Variants in MMRN1 observed in about 807,000 individuals in gnomAD.
MMRN1 encodes multimerin-1.
MMRN1 carries 94 observed loss-of-function variants against 100.7 expected under a neutral mutation model. The ratio of observed to expected loss-of-function variants is 0.93; its 90% CI spans 0.79 to 1.11. MMRN1 has a LOEUF of 1.11. Among genes scored for constraint, MMRN1 ranks in the 50% least tolerant of loss-of-function variants. MMRN1 has a pLI of 0.00. For missense variants in MMRN1, 1,606 were observed against 1,439.1 expected (o/e 1.12, Z -1.88); for synonymous variants, 575 against 505.0 (o/e 1.14, Z -1.86).
intron 3 of MMRN1, among the ~76,000 whole-genome samples, chr4:89,922,898 C>T (rs560279075): frequency 6.6e-6 from 1 of 152,242 alleles, no homozygotes; most frequent in Admixed American, 6.5e-5. Flanking sequence ...TTACACAGCT[C>T]CTCCAAACTA....
At chr4:89,899,262 C>T (rs1227404559) in intron 1 of MMRN1, among the ~76,000 whole-genome samples, 4 of 151,412 alleles carry the variant, frequency 2.6e-5, no homozygotes, top group African/African-American at 7.3e-5. Flanking sequence ...CCTATGGTTT[C>T]CTGTCTGGCA....
intron 1 of MMRN1, among the ~76,000 whole-genome samples, chr4:89,906,271 A>G (rs1262545101): frequency 6.6e-6 from 1 of 151,612 alleles, no homozygotes; most frequent in Admixed American, 6.6e-5. Context: ...GAATCATAAT[A>G]GAATCCTTTC....
chr4:89,948,387 T>G (rs1224176417), intron 6 of MMRN1, among the ~76,000 whole-genome samples: 4 of 152,212 alleles, frequency 2.6e-5, no homozygotes, highest in Non-Finnish European at 5.9e-5. Context: ...AGAATAAAAC[T>G]GAATGCTTTC....
At chr4:89,928,200 A>G (rs1560591397) in intron 5 of MMRN1, among the ~76,000 whole-genome samples, 1 of 152,096 alleles carries the variant, frequency 6.6e-6, no homozygotes, top group Admixed American at 6.6e-5. Flanking sequence ...TGGTTGATAA[A>G]CATGATGTCT....
Position 89,953,419 on chromosome 4 carries a change from G to A in MMRN1, c.*1G>A, listed in dbSNP as rs1395748920. On this transcript the variant is annotated 3_prime_UTR_variant, in exon 8 of 8. Coordinates refer to ENST00000264790, the MANE Select transcript of MMRN1 (RefSeq NM_007351.3). Reference sequence around the variant, plus strand: ...TGGCTATTTATTATATCGTACATAAGTTAGTATGAAAAACAGACTATCACC... The same window carrying A: ...TGGCTATTTATTATATCGTACATAAATTAGTATGAAAAACAGACTATCACC... The A allele has an allele frequency of 6.3e-7, 1 of 1,578,062 alleles. No individual in the cohort carries two copies. The highest frequency in any genetic ancestry group is 1.9e-5 in the Admixed American group (1 of 52,972).
chr4:89,888,572 A>G (rs1210013421), intron 1 of MMRN1, among the ~76,000 whole-genome samples: 1 of 151,842 alleles, frequency 6.6e-6, no homozygotes, highest in African/African-American at 2.4e-5. Context: ...CTCCATTTAT[A>G]GGTGTGCTAA....
intron 3 of MMRN1, among the ~76,000 whole-genome samples, chr4:89,918,466 T>C (rs530464300): frequency 1.3e-3 from 197 of 152,036 alleles, no homozygotes; most frequent in African/African-American, 4.5e-3. Flanking sequence ...TCACAGGCTA[T>C]CTTTGAAGTC....
chr4:89,927,687 G>A, intron 4 of MMRN1, 108 bp from the exon 5 acceptor site: 1 of 934,450 alleles, frequency 1.1e-6, no homozygotes, highest in Non-Finnish European at 1.6e-6. Flanking sequence ...TCTTTGTTGT[G>A]CTCCAGCTTA....
chr4:89,899,817 C>T (rs1203703481), intron 1 of MMRN1, among the ~76,000 whole-genome samples: 2 of 151,836 alleles, frequency 1.3e-5, no homozygotes, highest in Admixed American at 1.3e-4. Context: ...TCCCAAATAC[C>T]TCAACTTCTC....
At chr4:89,904,018 A>G (rs1449164267) in intron 1 of MMRN1, among the ~76,000 whole-genome samples, 1 of 151,640 alleles carries the variant, frequency 6.6e-6, no homozygotes, top group Admixed American at 6.6e-5. Flanking sequence ...ATCAGAAATG[A>G]CCTTCTAATT....
chr4:89,910,755 ATGGAAGGGATCTTGTAGCTCATTT>A (rs1445140958), intron 2 of MMRN1, among the ~76,000 whole-genome samples: 6 of 151,432 alleles, frequency 4.0e-5, no homozygotes, highest in African/African-American at 1.2e-4. Context: ...TGCTTTTCAG[ATGGAAGGGATCTTGTAGCTCATTT>A]TGCAACTGAC....
At chr4:89,883,242 TC>T (rs1461884806) in intron 1 of MMRN1, among the ~76,000 whole-genome samples, 2 of 152,130 alleles carry the variant, frequency 1.3e-5, no homozygotes, top group Admixed American at 6.6e-5. Context: ...TTTTTTATTT[TC>T]CTTGTGTAAG....
At chr4:89,883,494 A>G (rs1259236892) in intron 1 of MMRN1, among the ~76,000 whole-genome samples, 1 of 152,128 alleles carries the variant, frequency 6.6e-6, no homozygotes, top group African/African-American at 2.4e-5. Context: ...CGATCACTAA[A>G]GATGCTGAGA....
In MMRN1 at chr4:89,921,114, T is replaced by G. The variant is rs528438832; in HGVS notation, c.851-2054T>G. On this transcript the variant is annotated intron_variant, in intron 3 of 7. Coordinates refer to ENST00000264790, the MANE Select transcript of MMRN1 (RefSeq NM_007351.3). ...TTATGCTTCCCTTCCTAACAAAGTA[T>G]CCACAGCCTACTGAGTTATGGTACT... 3.9e-5 allele frequency among the ~76,000 whole-genome samples: 6 copies of G among 152,268 alleles called. No homozygotes were observed. In the South Asian group the frequency reaches 1.0e-3, roughly 26 times the overall value.
intron 1 of MMRN1, among the ~76,000 whole-genome samples, chr4:89,902,364 A>T (rs1232335178): frequency 6.6e-6 from 1 of 152,096 alleles, no homozygotes; most frequent in Non-Finnish European, 1.5e-5. Flanking sequence ...AGAGAAAAAA[A>T]ACAAATTTAT....
At chr4:89,940,403 T>G (rs1006771216) in intron 6 of MMRN1, among the ~76,000 whole-genome samples, 2 of 152,168 alleles carry the variant, frequency 1.3e-5, no homozygotes, top group African/African-American at 4.8e-5. Context: ...TATAAAACAT[T>G]TGGTAGTGTT....
chr4:89,900,577 A>G (rs1721352277), intron 1 of MMRN1, among the ~76,000 whole-genome samples: 1 of 151,990 alleles, frequency 6.6e-6, no homozygotes, highest in Non-Finnish European at 1.5e-5. Context: ...TATATAGACA[A>G]TGGTGTATTT....
chr4:89,933,187 T>C (rs1352014254), intron 5 of MMRN1, among the ~76,000 whole-genome samples: 1 of 152,154 alleles, frequency 6.6e-6, no homozygotes, highest in Non-Finnish European at 1.5e-5. Flanking sequence ...ATGCCACCAG[T>C]CTCTTTGCTA....
Position 89,895,127 on chromosome 4 carries a change from G to A in MMRN1, c.156G>A (p.Leu52=). ...TTCCTCCAAATAAAATACAAAGTTT[G>A]CAAATACTGCCAACCACTCGGGTCA... ...ASVPPNKIQS[L]QILPTTRVMS... Residue 52 remains leucine (L), a synonymous_variant, in exon 1 of 8, where the codon TTG becomes TTA. Coordinates refer to ENST00000264790, the MANE Select transcript of MMRN1 (RefSeq NM_007351.3). 1 of 1,613,822 alleles carries A rather than the reference G, an allele frequency of 6.2e-7. No homozygotes were observed. Among genetic ancestry groups the A allele is most frequent in the Non-Finnish European group, 8.5e-7 (1 of 1,179,896 alleles).
Sources: gnomAD v4.1 joint callset for allele counts (sites outside exome capture counted in the v4.1 genomes callset) on GRCh38, gnomAD v4.1.1 for gene constraint, MANE v1.5 for transcripts, NCBI Gene and HGNC (gene_info 2026-07-23, HGNC 2026-07-21) for gene names.